The following DENND1A variants were observed in gnomAD, a reference collection of about 807,000 sequenced individuals.
DENND1A encodes the protein DENN domain-containing protein 1A.
Under a neutral mutation model 113.7 loss-of-function variants are expected in DENND1A, and 51 were observed. The observed-to-expected ratio is 0.45, with a 90% CI of 0.36 to 0.57. The LOEUF is 0.57. DENND1A is among the 20% of genes least tolerant of loss of function. The pLI is 0.00. For synonymous variants in DENND1A, 565 were observed against 570.8 expected, an observed-to-expected ratio of 0.99 and a Z score of 0.14; for missense variants, 1,258 against 1,395.9, an observed-to-expected ratio of 0.90 and a Z score of 1.57.
intron 19 of DENND1A, among the ~76,000 whole-genome samples, chr9:123,431,180 T>G (rs2046106222): frequency 6.6e-6 from 1 of 152,118 alleles, no homozygotes; most frequent in Admixed American, 6.5e-5. Context: ...CCAAAGTAAT[T>G]GTGGGTATGG....
rs2059649353 is a variant in DENND1A, at chr9:123,595,591, C to T, written c.766-12321G>A. On this transcript the variant is annotated intron_variant, in intron 11 of 23. Transcript: ENST00000394215. ...TTCTCTCCCCGACATGGTCCTGGGC[C>T]CAGGGCCAGAAAGTCTCCAGGCTGG... 2.0e-5 allele frequency among the ~76,000 whole-genome samples: 3 copies of T among 152,244 alleles called. No homozygotes were observed. In the South Asian group the frequency reaches 6.2e-4, roughly 32 times the overall value.
At chr9:123,778,833 C>G (rs754785142) in intron 3 of DENND1A, among the ~76,000 whole-genome samples, 2 of 152,158 alleles carry the variant, frequency 1.3e-5, no homozygotes, top group Non-Finnish European at 2.9e-5. Context: ...AACCCAAATT[C>G]AGAAATCCTA....
intron 12 of DENND1A, among the ~76,000 whole-genome samples, chr9:123,578,106 C>T (rs548524382): frequency 6.6e-6 from 1 of 152,356 alleles, no homozygotes; most frequent in East Asian, 1.9e-4. Context: ...TTCTGGAGCT[C>T]TTCAGCTGAG....
At chr9:123,575,023 T>G (rs769635454) in intron 12 of DENND1A, among the ~76,000 whole-genome samples, 1 of 152,238 alleles carries the variant, frequency 6.6e-6, no homozygotes, top group African/African-American at 2.4e-5. Flanking sequence ...ACAGTTTGTC[T>G]TTCCTTTGTT....
At chr9:123,637,987 C>G (rs1423898528) in intron 9 of DENND1A, among the ~76,000 whole-genome samples, 2 of 151,164 alleles carry the variant, frequency 1.3e-5, no homozygotes, top group African/African-American at 2.4e-5. Flanking sequence ...AAAAAACCAC[C>G]CAACAAGGAG....
At chr9:123,653,899 T>TG (rs2062796333) in intron 8 of DENND1A, among the ~76,000 whole-genome samples, 1 of 137,544 alleles carries the variant, frequency 7.3e-6, no homozygotes, top group South Asian at 2.3e-4. Flanking sequence ...AGATGAGAAA[T>TG]AAAAAAAAAA....
chr9:123,491,370 C>A (rs570121707), intron 13 of DENND1A, among the ~76,000 whole-genome samples: 6 of 152,344 alleles, frequency 3.9e-5, no homozygotes, highest in African/African-American at 1.4e-4. Flanking sequence ...CCAGAATGTA[C>A]ACACCCAGAG....
At chr9:123,792,052 C>G (rs957536375) in intron 3 of DENND1A, among the ~76,000 whole-genome samples, 1 of 152,188 alleles carries the variant, frequency 6.6e-6, no homozygotes, top group Non-Finnish European at 1.5e-5. Context: ...GCTGTCAATT[C>G]AAGATGGTAG....
At chr9:123,650,269 A>G (rs2062572073) in intron 9 of DENND1A, among the ~76,000 whole-genome samples, 1 of 152,226 alleles carries the variant, frequency 6.6e-6, no homozygotes, top group Non-Finnish European at 1.5e-5. Flanking sequence ...GCAATTAAAA[A>G]AAACTGAGTT....
At chr9:123,720,367 T>TG (rs577997209) in intron 5 of DENND1A, among the ~76,000 whole-genome samples, 1 of 151,812 alleles carries the variant, frequency 6.6e-6, no homozygotes, top group Non-Finnish European at 1.5e-5. Context: ...CTGTGCATGC[T>TG]GGGGGGCAAA....
At chr9:123,725,631 G>A (rs1388049727) in intron 5 of DENND1A, among the ~76,000 whole-genome samples, 4 of 152,210 alleles carry the variant, frequency 2.6e-5, no homozygotes, top group Admixed American at 6.5e-5. Context: ...AAGCTCTGGC[G>A]CATCCTCTGC....
chr9:123,497,121 G>T (rs1340943415), intron 13 of DENND1A, among the ~76,000 whole-genome samples: 1 of 152,174 alleles, frequency 6.6e-6, no homozygotes, highest in Non-Finnish European at 1.5e-5. Context: ...CTTCTGTGGG[G>T]CTCCACAGTC....
intron 10 of DENND1A, among the ~76,000 whole-genome samples, chr9:123,629,604 C>A (rs2061390398): frequency 6.6e-6 from 1 of 152,158 alleles, no homozygotes; most frequent in Non-Finnish European, 1.5e-5. Flanking sequence ...GATGAGTAAA[C>A]AAAGTCTTAA....
chr9:123,835,288 G>A (rs1409664569), intron 2 of DENND1A, among the ~76,000 whole-genome samples: 1 of 152,174 alleles, frequency 6.6e-6, no homozygotes, highest in Non-Finnish European at 1.5e-5. Flanking sequence ...ATAACGAAGA[G>A]GAAGTGGTCA....
At chr9:123,850,097 T>C (rs1424346060) in intron 2 of DENND1A, among the ~76,000 whole-genome samples, 2 of 152,250 alleles carry the variant, frequency 1.3e-5, no homozygotes, top group African/African-American at 2.4e-5. Flanking sequence ...ACAAACCTGG[T>C]TGATAAACCA....
At chr9:123,582,890 G>C (rs562964456) in intron 12 of DENND1A, among the ~76,000 whole-genome samples, 20 of 145,788 alleles carry the variant, frequency 1.4e-4, no homozygotes, top group South Asian at 4.3e-4. Context: ...GTAGAAACAG[G>C]GTTTCACCAT....
At chr9:123,559,724 G>A (rs1430559983) in intron 12 of DENND1A, among the ~76,000 whole-genome samples, 2 of 152,184 alleles carry the variant, frequency 1.3e-5, no homozygotes, top group Non-Finnish European at 2.9e-5. Flanking sequence ...ACACAGTTCG[G>A]TGGTTTTTAG....
chr9:123,688,152 T>A (rs1025292613), intron 5 of DENND1A, among the ~76,000 whole-genome samples: 1 of 152,208 alleles, frequency 6.6e-6, no homozygotes, highest in Non-Finnish European at 1.5e-5. Flanking sequence ...TATCCCCAGA[T>A]ACCGAATGGC....
intron 11 of DENND1A, among the ~76,000 whole-genome samples, chr9:123,596,323 C>T (rs527550222): frequency 6.6e-6 from 1 of 152,336 alleles, no homozygotes; most frequent in African/African-American, 2.4e-5. Context: ...TGCTTTAAAC[C>T]TTACGCTATT....
Sources: gnomAD v4.1 joint callset for allele counts (sites outside exome capture counted in the v4.1 genomes callset) on GRCh38, gnomAD v4.1.1 for gene constraint, MANE v1.5 for transcripts, NCBI Gene and HGNC (gene_info 2026-07-23, HGNC 2026-07-21) for gene names.